The following KCNMB2 variants were observed in gnomAD, a reference collection of about 807,000 sequenced individuals.
The protein encoded by KCNMB2 is potassium calcium-activated channel subfamily M regulatory beta subunit 2, also known as calcium-activated potassium channel subunit beta-2.
Under a neutral mutation model 24.5 loss-of-function variants are expected in KCNMB2, and 9 were observed. That is an observed-to-expected ratio of 0.37 (90% CI 0.22 to 0.64). The LOEUF (loss-of-function observed/expected upper bound fraction) is 0.64, where lower values mean the gene tolerates loss of function less well. Among genes scored for constraint, KCNMB2 ranks in the 30% least tolerant of loss-of-function variants. The probability of loss-of-function intolerance (pLI) is 0.63; values close to 1 mark genes in which losing one functional copy is unlikely to be tolerated. For missense variants in KCNMB2, 226 were observed against 284.3 expected (o/e 0.79, Z 1.47); for synonymous variants, 109 against 104.4 (o/e 1.04, Z -0.27).
chr3:178,756,906 C>T (rs1724069849), intron 1 of KCNMB2, among the ~76,000 whole-genome samples: 1 of 151,876 alleles, frequency 6.6e-6, no homozygotes, highest in Non-Finnish European at 1.5e-5. Flanking sequence ...AGCTTAAAAA[C>T]ACTGGACAGC....
chr3:178,604,811 G>A (rs959975682), intron 1 of KCNMB2, among the ~76,000 whole-genome samples: 3 of 152,144 alleles, frequency 2.0e-5, no homozygotes, highest in Non-Finnish European at 4.4e-5. Flanking sequence ...TTGACACAAA[G>A]TAAATCATTT....
intron 1 of KCNMB2, among the ~76,000 whole-genome samples, chr3:178,663,350 A>C (rs943331020): frequency 1.3e-5 from 2 of 152,148 alleles, no homozygotes; most frequent in African/African-American, 4.8e-5. Context: ...AGAATATAAA[A>C]GTGTTCCAAG....
intron 2 of KCNMB2, among the ~76,000 whole-genome samples, chr3:178,813,050 T>G (rs1714257946): frequency 6.6e-6 from 1 of 152,222 alleles, no homozygotes; most frequent in African/African-American, 2.4e-5. Context: ...TTAATTAATT[T>G]GTGATAAATT....
chr3:178,744,568 CA>C (rs1422539290), intron 1 of KCNMB2, among the ~76,000 whole-genome samples: 1 of 152,116 alleles, frequency 6.6e-6, no homozygotes, highest in African/African-American at 2.4e-5. Context: ...TTCCATGGAA[CA>C]AAAATCTTTG....
At chr3:178,560,897 C>T (rs929870817) in intron 1 of KCNMB2, among the ~76,000 whole-genome samples, 6 of 152,206 alleles carry the variant, frequency 3.9e-5, no homozygotes, top group African/African-American at 1.2e-4. Context: ...GCAAACCCAG[C>T]GTGACCTGAG....
rs187925033 is a variant in KCNMB2 at position 178,690,118 on chromosome 3, G to C, written c.-67-117225G>C. Among the ~76,000 whole-genome samples the C allele has an allele frequency of 2.6e-5, 4 of 152,274 alleles. No homozygotes were observed. In the East Asian group the frequency reaches 7.7e-4, roughly 29 times the overall value. On this transcript the variant is annotated intron_variant, in intron 1 of 4. Coordinates refer to ENST00000452583, the MANE Select transcript of KCNMB2 (RefSeq NM_181361.3). ...TAGAAAGCCAAGTGAATTATAAACT[G>C]TATTATGCCATCACCAAATGGCAAA...
intron 3 of KCNMB2, among the ~76,000 whole-genome samples, chr3:178,827,809 G>A (rs147301344): frequency 8.1e-4 from 124 of 152,242 alleles, no homozygotes; most frequent in African/African-American, 2.9e-3. Context: ...ACAGAGGTAG[G>A]GGCTGGAGCA....
intron 1 of KCNMB2, among the ~76,000 whole-genome samples, chr3:178,669,130 G>A (rs1720816174): frequency 6.6e-6 from 1 of 152,052 alleles, no homozygotes. Flanking sequence ...GTGTAGGGTG[G>A]GTAGTATGAT....
At chr3:178,730,522 C>T (rs1006700248) in intron 1 of KCNMB2, among the ~76,000 whole-genome samples, 17 of 151,510 alleles carry the variant, frequency 1.1e-4, no homozygotes, top group Admixed American at 1.1e-3. Context: ...GCCATTTCTT[C>T]ACATAACATC....
chr3:178,730,414 C>G (rs575738542), intron 1 of KCNMB2, among the ~76,000 whole-genome samples: 1 of 130,884 alleles, frequency 7.6e-6, no homozygotes, highest in Non-Finnish European at 1.7e-5. Context: ...CACCCCCCCA[C>G]ACACACACAC....
intron 1 of KCNMB2, among the ~76,000 whole-genome samples, chr3:178,733,075 A>C (rs1723205455): frequency 6.6e-6 from 1 of 152,224 alleles, no homozygotes; most frequent in African/African-American, 2.4e-5. Context: ...ATATTCCATA[A>C]TAAAAAGTCA....
In KCNMB2 at chr3:178,828,324, A is replaced by C; in HGVS notation, c.374A>C (p.Glu125Ala). The C allele has an allele frequency of 6.2e-7, 1 of 1,613,770 alleles. No homozygotes were observed. Among genetic ancestry groups the C allele is most frequent in the Non-Finnish European group, 8.5e-7 (1 of 1,179,742 alleles). Residue 125 changes from glutamate to alanine, a missense_variant, in exon 4 of 5, where the codon GAA becomes GCA. Coordinates refer to ENST00000452583, the MANE Select transcript of KCNMB2 (RefSeq NM_181361.3). Reference sequence around the variant, plus strand: ...TACGTTAACCTGACTTCTTCCGGGGAAAAGCTCCTCCTCTACCACACAGAA... The same window carrying C: ...TACGTTAACCTGACTTCTTCCGGGGCAAAGCTCCTCCTCTACCACACAGAA... ...QVYVNLTSSG[E>A]KLLLYHTEET...
chr3:178,748,254 T>C (rs1723735185), intron 1 of KCNMB2: 1 of 152,254 alleles, frequency 6.6e-6, no homozygotes. Context: ...TCCTGGAGTT[T>C]AGTCTACTGT....
chr3:178,801,319 A>G (rs1226390037), intron 1 of KCNMB2, among the ~76,000 whole-genome samples: 1 of 152,124 alleles, frequency 6.6e-6, no homozygotes, highest in African/African-American at 2.4e-5. Flanking sequence ...TATACTATGC[A>G]CCCATAAAAA....
At position 178,813,974 on chromosome 3, in the gene KCNMB2, TTGTTGTTGTTGCTGC is replaced by T. The variant is rs772072635; in HGVS notation, c.56+6512_56+6526del. Among the ~76,000 whole-genome samples the T allele has an allele frequency of 6.1e-5, 9 of 147,272 alleles. No individual in the cohort carries two copies. In the South Asian group the frequency reaches 1.1e-3, roughly 17 times the overall value. ...GTTGTTGTTGTTGTTGTTGTTGTTG[TTGTTGTTGTTGCTGC>T]TGCTGCTGTTGTTTTTCTAATCGTA... On this transcript the variant is annotated intron_variant, in intron 2 of 4. Coordinates refer to ENST00000452583, the MANE Select transcript of KCNMB2 (RefSeq NM_181361.3).
intron 1 of KCNMB2, among the ~76,000 whole-genome samples, chr3:178,682,480 T>C (rs1217869328): frequency 6.6e-6 from 1 of 152,090 alleles, no homozygotes; most frequent in African/African-American, 2.4e-5. Context: ...CAATATTCCT[T>C]TCAAGTTCTA....
At chr3:178,832,213 C>T (rs1334862128) in intron 4 of KCNMB2, among the ~76,000 whole-genome samples, 1 of 151,926 alleles carries the variant, frequency 6.6e-6, no homozygotes, top group Non-Finnish European at 1.5e-5. Flanking sequence ...TATTTTTCTT[C>T]TGGAAGGACA....
At chr3:178,820,163 C>T (rs1331086711) in intron 2 of KCNMB2, among the ~76,000 whole-genome samples, 1 of 152,156 alleles carries the variant, frequency 6.6e-6, no homozygotes, top group Non-Finnish European at 1.5e-5. Context: ...CTGTAAGTGT[C>T]GTAAAGTTGG....
At chr3:178,707,076 G>A (rs577081814) in intron 1 of KCNMB2, among the ~76,000 whole-genome samples, 2 of 152,096 alleles carry the variant, frequency 1.3e-5, no homozygotes, top group Non-Finnish European at 2.9e-5. Flanking sequence ...ATTTGCAAGT[G>A]CAAGTGGAGA....
Sources: allele counts gnomAD v4.1 joint callset (sites outside exome capture counted in the v4.1 genomes callset), GRCh38; gene constraint gnomAD v4.1.1; transcripts MANE v1.5; gene names NCBI Gene and HGNC (gene_info 2026-07-23, HGNC 2026-07-21).